The following JPH3 variants were observed in gnomAD, a reference collection of about 807,000 sequenced individuals.
JPH3 encodes junctophilin 3, also known as junctophilin-3.
JPH3 carries 11 observed loss-of-function variants against 59.6 expected under a neutral mutation model. The ratio of observed to expected loss-of-function variants is 0.18; its 90% CI spans 0.12 to 0.31. JPH3 has a LOEUF of 0.31. JPH3 is among the 10% of genes least tolerant of loss of function. The pLI is 1.00. For synonymous variants in JPH3, 673 were observed against 483.6 expected (o/e 1.39, Z -5.14); for missense variants, 1,202 against 1,105.7 (o/e 1.09, Z -1.24).
intron 2 of JPH3, 91 bp downstream of exon 2, chr16:87,645,126 T>A: frequency 7.4e-7 from 1 of 1,342,686 alleles, no homozygotes; most frequent in East Asian, 2.4e-5. Context: ...CTCAAGGCCT[T>A]GGGCTAGGCC....
chr16:87,633,339 C>T (rs1287248644), intron 1 of JPH3, among the ~76,000 whole-genome samples: 2 of 139,278 alleles, frequency 1.4e-5, no homozygotes, highest in Non-Finnish European at 3.1e-5. Context: ...TATCTATCTC[C>T]AAACAAGGTG....
intron 1 of JPH3, among the ~76,000 whole-genome samples, chr16:87,612,973 C>A (rs1029060488): frequency 6.6e-6 from 1 of 150,810 alleles, no homozygotes; most frequent in Non-Finnish European, 1.5e-5. Flanking sequence ...TTGCAGTGAG[C>A]CAAGATAGCG....
intron 1 of JPH3, among the ~76,000 whole-genome samples, chr16:87,620,571 G>A (rs1373670474): frequency 6.7e-6 from 1 of 150,374 alleles, no homozygotes; most frequent in East Asian, 2.0e-4. Flanking sequence ...GGGAACGTCA[G>A]TCCTGCCATG....
intron 2 of JPH3, among the ~76,000 whole-genome samples, chr16:87,678,854 G>A (rs1341165682): frequency 2.0e-5 from 3 of 152,186 alleles, no homozygotes; most frequent in Non-Finnish European, 4.4e-5. Context: ...GCCTGGGAAC[G>A]CCGAGGGCGC....
In JPH3 at chr16:87,659,132, G is replaced by A. The variant is rs936978064; in HGVS notation, c.1160+14097G>A. ...CTCATGCTTGTAATCTCAGCCCTTT[G>A]GGAGGCCAAAGCAGGCGGATCACTT... On this transcript the variant is annotated intron_variant, in intron 2 of 4. Transcript: ENST00000284262. Among the ~76,000 whole-genome samples the A allele has an allele frequency of 2.0e-5, 3 of 152,092 alleles. No individual in the cohort carries two copies. The East Asian group carries it at 5.8e-4, about 29-fold the overall frequency.
At chr16:87,621,011 C>T (rs915308517) in intron 1 of JPH3, among the ~76,000 whole-genome samples, 51 of 152,256 alleles carry the variant, frequency 3.3e-4, no homozygotes, top group African/African-American at 1.1e-3. Flanking sequence ...ATACAAAAAT[C>T]AGCCAGGCAT....
chr16:87,615,495 G>A (rs1327984243), intron 1 of JPH3, among the ~76,000 whole-genome samples: 1 of 152,182 alleles, frequency 6.6e-6, no homozygotes, highest in African/African-American at 2.4e-5. Flanking sequence ...GCCGGGCCCT[G>A]GAGCTTTCCC....
intron 2 of JPH3, among the ~76,000 whole-genome samples, chr16:87,660,956 A>C (rs62053792): frequency 0.053 from 8,143 of 152,290 alleles, 290 homozygotes; most frequent in Non-Finnish European, 0.08. Flanking sequence ...CTTATCTGAA[A>C]TGACTGGGAT....
At chr16:87,662,014 T>C (rs1250929530) in intron 2 of JPH3, among the ~76,000 whole-genome samples, 2 of 152,372 alleles carry the variant, frequency 1.3e-5, no homozygotes, top group African/African-American at 4.8e-5. Flanking sequence ...CGGCTATGCA[T>C]GGTTGTCTCA....
At chr16:87,683,162 G>A (rs751742799) in intron 2 of JPH3, among the ~76,000 whole-genome samples, 1 of 152,214 alleles carries the variant, frequency 6.6e-6, no homozygotes, top group Admixed American at 6.5e-5. Context: ...GGGCAGGGAG[G>A]TGGTCCCGCA....
At chr16:87,626,257 C>T (rs910990963) in intron 1 of JPH3, among the ~76,000 whole-genome samples, 6 of 152,154 alleles carry the variant, frequency 3.9e-5, no homozygotes, top group African/African-American at 7.2e-5. Context: ...ATTGTGCACA[C>T]GTGCAGACTG....
At chr16:87,612,360 A>G (rs2030759273) in intron 1 of JPH3, among the ~76,000 whole-genome samples, 1 of 152,174 alleles carries the variant, frequency 6.6e-6, no homozygotes, top group South Asian at 2.1e-4. Context: ...CCTGAGCTCA[A>G]GCGATCCGCC....
rs532817762 is a variant in JPH3, at chr16:87,697,694, C to G, written c.*1034C>G. On this transcript the variant is annotated 3_prime_UTR_variant, in exon 5 of 5. Transcript: ENST00000284262. Reference sequence around the variant, plus strand: ...TGCCTCAGTGCTACACCACAGTGGGCCTGGTCCCAGGACAGGAATGCGGTT... The same window carrying G: ...TGCCTCAGTGCTACACCACAGTGGGGCTGGTCCCAGGACAGGAATGCGGTT... 1.3e-5 allele frequency: 2 copies of G among 152,322 alleles called. No individual in the cohort carries two copies. Among genetic ancestry groups the G allele is most frequent in the Non-Finnish European group, 2.9e-5 (2 of 68,082 alleles). 9.4% of individuals were successfully genotyped at this position (152,322 alleles called of 1,614,324 possible). A position where few individuals can be genotyped will look rare whatever the true frequency, so the allele number is the denominator to read the frequency against.
intron 1 of JPH3, among the ~76,000 whole-genome samples, chr16:87,628,299 C>T (rs1265128421): frequency 6.6e-6 from 1 of 152,244 alleles, no homozygotes; most frequent in Non-Finnish European, 1.5e-5. Context: ...ACAAGCCAGC[C>T]CTCAGGGGCC....
At chr16:87,606,954 G>A (rs563714969) in intron 1 of JPH3, among the ~76,000 whole-genome samples, 3 of 152,274 alleles carry the variant, frequency 2.0e-5, no homozygotes, top group South Asian at 4.1e-4. Flanking sequence ...ACTGGGAAGT[G>A]GAGGCTCCCA....
intron 2 of JPH3, among the ~76,000 whole-genome samples, chr16:87,658,810 G>C (rs1331219313): frequency 6.6e-6 from 1 of 152,244 alleles, no homozygotes; most frequent in African/African-American, 2.4e-5. Context: ...GGTGGATTGG[G>C]GCTTGCTGTG....
intron 1 of JPH3, among the ~76,000 whole-genome samples, chr16:87,636,785 G>C (rs1934151738): frequency 1.3e-5 from 2 of 152,252 alleles, no homozygotes; most frequent in African/African-American, 4.8e-5. Flanking sequence ...TGTGCCGGGA[G>C]GCATGGCCAG....
At chr16:87,618,660 A>G (rs1156512916) in intron 1 of JPH3, among the ~76,000 whole-genome samples, 2 of 152,158 alleles carry the variant, frequency 1.3e-5, no homozygotes, top group African/African-American at 4.8e-5. Context: ...CGCACCTGTC[A>G]TCGCCTGTCT....
At position 87,644,522 on chromosome 16, in the gene JPH3, G is replaced by A. The variant is rs758206591; in HGVS notation, c.647G>A (p.Arg216Gln). ...ILKSKKKGLF[R>Q]RSLLSGLKLR... ...AAGAGCAAGAAGAAGGGGCTGTTTC[G>A]GCGCTCGCTGCTGAGTGGGCTGAAG... is the stretch of plus-strand genomic sequence containing the variant. The change falls in exon 2 of 5, where the codon CGG becomes CAG. Residue 216 changes from arginine to glutamine, a missense_variant. Physicochemically the swap from Arg to Gln is conservative, Grantham distance 43. Coordinates refer to ENST00000284262, the MANE Select transcript of JPH3 (RefSeq NM_020655.4). 1.3e-5 allele frequency: 21 copies of A among 1,612,752 alleles called. No individual in the cohort carries two copies. The highest frequency in any genetic ancestry group is 2.7e-5 in the African/African-American group (2 of 74,904).
Sources: gnomAD v4.1 joint callset for allele counts (sites outside exome capture counted in the v4.1 genomes callset) on GRCh38, gnomAD v4.1.1 for gene constraint, MANE v1.5 for transcripts, NCBI Gene and HGNC (gene_info 2026-07-23, HGNC 2026-07-21) for gene names.